The following NLGN1 variants were observed in gnomAD, a reference collection of about 807,000 sequenced individuals.
NLGN1 encodes neuroligin 1, also known as neuroligin-1.
A neutral mutation model predicts 65.5 loss-of-function variants in NLGN1; 12 were observed. The ratio of observed to expected loss-of-function variants is 0.18; its 90% CI spans 0.12 to 0.30. The LOEUF is 0.30. Ranked by LOEUF, NLGN1 falls within the 10% of genes least tolerant of loss-of-function variation. NLGN1 has a pLI of 1.00. For synonymous variants in NLGN1, 350 were observed against 359.5 expected (o/e 0.97, Z 0.30); for missense variants, 750 against 1,007.1 (o/e 0.74, Z 3.46).
intron 4 of NLGN1, among the ~76,000 whole-genome samples, chr3:174,142,028 C>A (rs1230932028): frequency 2.0e-5 from 3 of 152,154 alleles, no homozygotes; most frequent in African/African-American, 4.8e-5. Context: ...CTAATCTCAA[C>A]TTTCCCCCTA....
intron 3 of NLGN1, among the ~76,000 whole-genome samples, chr3:173,620,791 C>T (rs1753869364): frequency 1.3e-5 from 2 of 151,846 alleles, no homozygotes; most frequent in African/African-American, 4.8e-5. Flanking sequence ...TGCAGCTTAC[C>T]CACGGTTGGG....
chr3:173,591,761 A>G lies in NLGN1; in HGVS notation c.-320-12518A>G, dbSNP rs143681273. ...CACTCTTCCCAGGCATGAGCAACTC[A>G]CTACACACAAAAATAAGCTTAAAGA... On this transcript the variant is annotated intron_variant, in intron 2 of 6. Transcript: ENST00000457714. Among the ~76,000 whole-genome samples, 1,475 of 152,280 alleles carry G rather than the reference A, an allele frequency of 9.7e-3. 13 individuals carry two copies. Among genetic ancestry groups the G allele is most frequent in the African/African-American group, 0.02 (849 of 41,556 alleles).
chr3:174,263,988 T>C (rs1481525494), intron 4 of NLGN1, among the ~76,000 whole-genome samples: 2 of 147,812 alleles, frequency 1.4e-5, no homozygotes, highest in African/African-American at 5.0e-5. Flanking sequence ...AAAGTCTTTT[T>C]TTTAAGAATG....
intron 4 of NLGN1, among the ~76,000 whole-genome samples, chr3:173,883,312 C>T (rs916072039): frequency 1.3e-5 from 2 of 152,088 alleles, no homozygotes; most frequent in Non-Finnish European, 2.9e-5. Context: ...AATGGCCAGT[C>T]GGTGGAACAG....
At chr3:173,714,917 G>T (rs182800042) in intron 3 of NLGN1, among the ~76,000 whole-genome samples, 3 of 152,060 alleles carry the variant, frequency 2.0e-5, no homozygotes, top group Non-Finnish European at 4.4e-5. Context: ...CAGAGTAATC[G>T]CAGGAGAATA....
chr3:174,057,478 C>T (rs1736402189), intron 4 of NLGN1, among the ~76,000 whole-genome samples: 1 of 152,042 alleles, frequency 6.6e-6, no homozygotes, highest in Non-Finnish European at 1.5e-5. Context: ...ACAAAATCTT[C>T]CAGCAAGACA....
At chr3:173,872,190 G>A (rs1731304079) in intron 4 of NLGN1, among the ~76,000 whole-genome samples, 1 of 152,192 alleles carries the variant, frequency 6.6e-6, no homozygotes, top group African/African-American at 2.4e-5. Context: ...TAAATGGCAG[G>A]CACATGTCTA....
chr3:174,071,051 T>C (rs1739740005), intron 4 of NLGN1, among the ~76,000 whole-genome samples: 1 of 152,018 alleles, frequency 6.6e-6, no homozygotes, highest in African/African-American at 2.4e-5. Context: ...TAAGACCTTG[T>C]CTCAAAATAA....
chr3:173,406,523 G>T (rs1415641434), intron 1 of NLGN1, among the ~76,000 whole-genome samples: 3 of 146,744 alleles, frequency 2.0e-5, no homozygotes, highest in African/African-American at 7.5e-5. Context: ...ACATATATAT[G>T]AATAGATATA....
chr3:173,459,526 G>A (rs940929260), intron 2 of NLGN1, among the ~76,000 whole-genome samples: 3 of 152,040 alleles, frequency 2.0e-5, no homozygotes, highest in African/African-American at 7.2e-5. Context: ...GGTAAGCAGA[G>A]ATTGACAAAT....
At chr3:174,243,950 C>A (rs933961213) in intron 4 of NLGN1, among the ~76,000 whole-genome samples, 21 of 152,074 alleles carry the variant, frequency 1.4e-4, no homozygotes, top group African/African-American at 5.1e-4. Context: ...GATATTCTGA[C>A]TTTTTTTAGG....
Position 173,877,482 on chromosome 3 carries a change from G to GA in NLGN1, c.646+69661dup, listed in dbSNP as rs200372030. ...GTCCCAGATTAAATCCTAAAACAGA[G>GA]AAAAAAAAAAAGTGAAAAAAACCCT... On this transcript the variant is annotated intron_variant, in intron 4 of 6. Coordinates refer to ENST00000457714, the Ensembl canonical transcript of NLGN1. 6.2e-3 allele frequency among the ~76,000 whole-genome samples: 863 copies of GA among 139,764 alleles called. 6 individuals carry two copies. Among genetic ancestry groups the GA allele is most frequent in the African/African-American group, 0.02 (780 of 38,438 alleles). 91.7% of individuals were successfully genotyped at this position (139,764 alleles called of 152,430 possible).
At position 174,279,127 on chromosome 3, in the gene NLGN1, GGA is replaced by G. The variant is rs1751132826; in HGVS notation, c.1130_1131del (p.Glu377ValfsTer5). 6.2e-7 allele frequency: 1 copy of G among 1,613,404 alleles called. No homozygotes were observed. The highest frequency in any genetic ancestry group is 8.5e-7 in the Non-Finnish European group (1 of 1,179,544). ...CGACCCCCAGATATTGATGGAGCAA[GGA>G]GAGTTTCTCAACTATGATATAATGT... On this transcript the variant is annotated frameshift_variant, in exon 6 of 7. Coordinates refer to ENST00000457714, the Ensembl canonical transcript of NLGN1. LOFTEE classifies it high-confidence loss of function. This position sits in a 1 kb window ranked among gnomAD's most constrained non-coding sequence, Gnocchi z 4.7.
intron 3 of NLGN1, chr3:173,644,500 C>A: frequency 6.1e-6 from 1 of 164,198 alleles, no homozygotes. Context: ...TCGCCCCTTG[C>A]TGCATCCTGC....
chr3:173,702,418 G>A (rs940046603), intron 3 of NLGN1, among the ~76,000 whole-genome samples: 1 of 151,960 alleles, frequency 6.6e-6, no homozygotes, highest in South Asian at 2.1e-4. Flanking sequence ...CTTGCTCATG[G>A]TGCCTGTTGG....
intron 2 of NLGN1, among the ~76,000 whole-genome samples, chr3:173,567,341 C>T (rs2149317978): frequency 6.6e-6 from 1 of 152,078 alleles, no homozygotes; most frequent in East Asian, 1.9e-4. Context: ...GTTAATAATA[C>T]TCTTAACCCA....
At chr3:173,893,560 T>TTTTTCCTCAACC (rs1735758990) in intron 4 of NLGN1, among the ~76,000 whole-genome samples, 1 of 152,172 alleles carries the variant, frequency 6.6e-6, no homozygotes, top group Non-Finnish European at 1.5e-5. Context: ...GATGCTTGAC[T>TTTTTCCTCAACC]TTTTCCTCAA....
chr3:174,020,135 C>T (rs773688138), intron 4 of NLGN1, among the ~76,000 whole-genome samples: 21 of 152,038 alleles, frequency 1.4e-4, no homozygotes, highest in Non-Finnish European at 2.4e-4. Context: ...GTCACACATC[C>T]ATCTGAACCT....
At chr3:174,094,335 A>T (rs1745062885) in intron 4 of NLGN1, among the ~76,000 whole-genome samples, 1 of 152,188 alleles carries the variant, frequency 6.6e-6, no homozygotes, top group African/African-American at 2.4e-5. Flanking sequence ...TCATTATCTT[A>T]TATAGAGACT....
Sources: allele counts gnomAD v4.1 joint callset (sites outside exome capture counted in the v4.1 genomes callset), GRCh38; gene constraint gnomAD v4.1.1; non-coding constraint Gnocchi (gnomAD v3.1); transcripts MANE v1.5; gene names NCBI Gene and HGNC (gene_info 2026-07-23, HGNC 2026-07-21).